Variants in ADARB2 observed in about 807,000 individuals in gnomAD.
The protein encoded by ADARB2 is inactive double-stranded RNA-specific editase B2.
In ADARB2, 25 loss-of-function variants were observed where a neutral mutation model predicts 62.2. The observed-to-expected ratio is 0.40, with a 90% CI of 0.29 to 0.56. The LOEUF (loss-of-function observed/expected upper bound fraction) is 0.56. Ranked by LOEUF, ADARB2 falls within the 20% of genes least tolerant of loss-of-function variation. ADARB2 has a pLI of 0.43. For synonymous variants in ADARB2, 572 were observed against 500.8 expected, an observed-to-expected ratio of 1.14 and a Z score of -1.90; for missense variants, 1,071 against 1,077.4, an observed-to-expected ratio of 0.99 and a Z score of 0.08.
chr10:1,444,430 C>T, intron 1 of ADARB2, among the ~76,000 whole-genome samples: 1 of 151,688 alleles, frequency 6.6e-6, no homozygotes, highest in African/African-American at 2.4e-5. Context: ...ATCCATCCAC[C>T]CACCCATCCA....
chr10:1,425,947 C>T (rs905948023), intron 1 of ADARB2, among the ~76,000 whole-genome samples: 5 of 152,170 alleles, frequency 3.3e-5, no homozygotes, highest in African/African-American at 7.2e-5. Flanking sequence ...AATGACCCGA[C>T]GTGGAGCTGA....
chr10:1,688,158 T>C (rs1361223838), intron 1 of ADARB2, among the ~76,000 whole-genome samples: 1 of 152,220 alleles, frequency 6.6e-6, no homozygotes, highest in East Asian at 1.9e-4. Context: ...TTTTTGGACA[T>C]AAACAGCCAG....
At chr10:1,207,669 T>G (rs1344995221) in intron 7 of ADARB2, among the ~76,000 whole-genome samples, 1 of 152,208 alleles carries the variant, frequency 6.6e-6, no homozygotes, top group East Asian at 1.9e-4. Context: ...CAGTGCCGTA[T>G]TCCCCAGAGA....
intron 1 of ADARB2, among the ~76,000 whole-genome samples, chr10:1,611,710 C>T (rs1443709752): frequency 6.6e-6 from 1 of 152,126 alleles, no homozygotes; most frequent in Admixed American, 6.5e-5. Flanking sequence ...GTAATTTCAG[C>T]CCAGAAGTAG....
intron 1 of ADARB2, among the ~76,000 whole-genome samples, chr10:1,510,112 CTTTCTTTCTTTCTTTCTTTCTT>C (rs1831910188): frequency 1.4e-5 from 1 of 72,646 alleles, no homozygotes; most frequent in Non-Finnish European, 2.7e-5. Context: ...TTCTTTCTCT[CTTTCTTTCTTTCTTTCTTTCTT>C]TCTTTCTTTC....
chr10:1,509,792 G>A (rs992205307), intron 1 of ADARB2, among the ~76,000 whole-genome samples: 2 of 152,206 alleles, frequency 1.3e-5, no homozygotes, highest in South Asian at 2.1e-4. Context: ...AAATGGAAAG[G>A]GGAATTCAGA....
chr10:1,472,129 C>T (rs1831330723), intron 1 of ADARB2, among the ~76,000 whole-genome samples: 1 of 152,184 alleles, frequency 6.6e-6, no homozygotes, highest in Admixed American at 6.5e-5. Context: ...GACGTGGCAC[C>T]CACACGAGAA....
intron 1 of ADARB2, among the ~76,000 whole-genome samples, chr10:1,672,247 C>T (rs1834395553): frequency 6.6e-6 from 1 of 152,146 alleles, no homozygotes; most frequent in Non-Finnish European, 1.5e-5. Context: ...GCTTGGGGCT[C>T]CTGTGGACTG....
At chr10:1,240,253 TG>T (rs1708542426) in intron 5 of ADARB2, 1 of 122,058 alleles carries the variant, frequency 8.2e-6, no homozygotes, top group African/African-American at 3.4e-5. Context: ...TACTCCCCTC[TG>T]CCTCCCGGTG....
intron 1 of ADARB2, among the ~76,000 whole-genome samples, chr10:1,669,465 AACACAG>A (rs1184752700): frequency 4.0e-5 from 6 of 150,548 alleles, no homozygotes; most frequent in South Asian, 2.1e-4. Context: ...GGGAGACACA[AACACAG>A]ACACAGACAC....
At chr10:1,720,871 C>T (rs1381933805) in intron 1 of ADARB2, among the ~76,000 whole-genome samples, 1 of 152,214 alleles carries the variant, frequency 6.6e-6, no homozygotes, top group Non-Finnish European at 1.5e-5. Flanking sequence ...GCCCGATGTC[C>T]TGGCGCCACT....
chr10:1,528,799 G>A (rs1198834333), intron 1 of ADARB2, among the ~76,000 whole-genome samples: 1 of 152,178 alleles, frequency 6.6e-6, no homozygotes, highest in African/African-American at 2.4e-5. Flanking sequence ...GAGGGAAGTG[G>A]ATTCTGTTGA....
At chr10:1,499,582 A>T (rs1288180787) in intron 1 of ADARB2, among the ~76,000 whole-genome samples, 1 of 150,818 alleles carries the variant, frequency 6.6e-6, no homozygotes, top group Non-Finnish European at 1.5e-5. Flanking sequence ...ATCATTCATC[A>T]CCCACCACTC....
chr10:1,554,615 G>A (rs759631147), intron 1 of ADARB2, among the ~76,000 whole-genome samples: 11 of 152,050 alleles, frequency 7.2e-5, no homozygotes, highest in Non-Finnish European at 1.5e-4. Flanking sequence ...GCCCCCAACG[G>A]TACTTCAGTT....
At chr10:1,384,641 A>G (rs1832510548) in intron 1 of ADARB2, among the ~76,000 whole-genome samples, 1 of 152,230 alleles carries the variant, frequency 6.6e-6, no homozygotes, top group Non-Finnish European at 1.5e-5. Context: ...TGCACCCCAC[A>G]GCTCCACAAC....
chr10:1,297,975 ACTT>A (rs1406000458), intron 3 of ADARB2, among the ~76,000 whole-genome samples: 1 of 152,152 alleles, frequency 6.6e-6, no homozygotes, highest in African/African-American at 2.4e-5. Context: ...GAGAGAATAA[ACTT>A]CTGTCATTTC....
At chr10:1,278,244 G>A (rs1351805977) in intron 3 of ADARB2, among the ~76,000 whole-genome samples, 4 of 151,830 alleles carry the variant, frequency 2.6e-5, no homozygotes, top group Non-Finnish European at 4.4e-5. Flanking sequence ...CCTCCCAAAA[G>A]TGCTGGGATT....
chr10:1,608,759 GGAAAGAAAGAGAAAGAGAAA>G (rs1833527637), intron 1 of ADARB2, among the ~76,000 whole-genome samples: 1 of 101,948 alleles, frequency 9.8e-6, no homozygotes, highest in Admixed American at 1.2e-4. Context: ...AAGGAAGGAA[GGAAAGAAAGAGAAAGAGAAA>G]GAAAGAAAGA....
chr10:1,522,020 CTT>C (rs1299905338), intron 1 of ADARB2, among the ~76,000 whole-genome samples: 7 of 152,158 alleles, frequency 4.6e-5, no homozygotes, highest in Non-Finnish European at 8.8e-5. Flanking sequence ...GAGTTGGACT[CTT>C]TTCATTGACA....
Sources: allele counts gnomAD v4.1 joint callset (sites outside exome capture counted in the v4.1 genomes callset), GRCh38; gene constraint gnomAD v4.1.1; transcripts MANE v1.5; gene names NCBI Gene and HGNC (gene_info 2026-07-23, HGNC 2026-07-21).